TSHZ2: variants seen among roughly 807,000 people sequenced by gnomAD.
The protein encoded by TSHZ2 is teashirt homolog 2.
In TSHZ2, 21 loss-of-function variants were observed where a neutral mutation model predicts 74.4. The ratio of observed to expected loss-of-function variants is 0.28; its 90% confidence interval spans 0.20 to 0.41. The LOEUF (loss-of-function observed/expected upper bound fraction) is 0.41. Among genes scored for constraint, TSHZ2 ranks in the 10% least tolerant of loss-of-function variants. The probability of loss-of-function intolerance (pLI) is 1.00; values close to 1 mark genes in which losing one functional copy is unlikely to be tolerated. For synonymous variants in TSHZ2, 540 were observed against 515.3 expected (o/e 1.05, Z -0.65); for missense variants, 1,244 against 1,293.5 (o/e 0.96, Z 0.59).
rs1387411461 is a variant in TSHZ2, at chr20:53,308,557, G to C, written c.*8+51986G>C. On this transcript the variant is annotated intron_variant, in intron 2 of 2. Transcript: ENST00000371497. ...GAATGATCCATGTCGAATGCACGTT[G>C]AGCTGCCCTGGGTCACCGGGGGAGG... 3.9e-5 allele frequency among the ~76,000 whole-genome samples: 6 copies of C among 152,112 alleles called. No homozygotes were observed. In the East Asian group the frequency reaches 1.2e-3, roughly 29 times the overall value.
intron 2 of TSHZ2, among the ~76,000 whole-genome samples, chr20:53,299,761 G>C (rs541393853): frequency 3.9e-5 from 6 of 151,940 alleles, no homozygotes; most frequent in Non-Finnish European, 8.8e-5. Context: ...AATGTAATTA[G>C]ATGACTACAG....
At chr20:53,343,069 C>T (rs1446386493) in intron 2 of TSHZ2, among the ~76,000 whole-genome samples, 2 of 146,040 alleles carry the variant, frequency 1.4e-5, no homozygotes, top group Non-Finnish European at 3.0e-5. Flanking sequence ...CGGGTTCAAG[C>T]GATTCTCCTG....
At chr20:53,082,962 G>A (rs1985582686) in intron 1 of TSHZ2, among the ~76,000 whole-genome samples, 1 of 152,252 alleles carries the variant, frequency 6.6e-6, no homozygotes, top group African/African-American at 2.4e-5. Flanking sequence ...CAAGGCCAGA[G>A]CCTTGACACT....
intron 1 of TSHZ2, among the ~76,000 whole-genome samples, chr20:53,147,100 A>G (rs987801262): frequency 6.6e-6 from 1 of 151,634 alleles, no homozygotes; most frequent in South Asian, 2.1e-4. Flanking sequence ...TGTATTAATT[A>G]CATGCTTTTT....
chr20:53,175,159 T>TTTTTTTC (rs1221311949), intron 1 of TSHZ2, among the ~76,000 whole-genome samples: 1 of 134,102 alleles, frequency 7.5e-6, no homozygotes, highest in African/African-American at 3.0e-5. Flanking sequence ...TTTTTTTTTT[T>TTTTTTTC]CAACGGAGTT....
intron 2 of TSHZ2, among the ~76,000 whole-genome samples, chr20:53,446,341 A>C (rs915230016): frequency 4.0e-5 from 6 of 151,364 alleles, no homozygotes; most frequent in African/African-American, 1.5e-4. Flanking sequence ...AGGCGGGCAG[A>C]TCAAGAGGTC....
At chr20:53,395,928 GTGTTTGTT>G (rs145359092) in intron 2 of TSHZ2, among the ~76,000 whole-genome samples, 7 of 151,964 alleles carry the variant, frequency 4.6e-5, no homozygotes, top group South Asian at 4.1e-4. Context: ...AGTTTTAAGC[GTGTTTGTT>G]TGTTTGTTTG....
At chr20:53,371,418 T>C (rs1331639746) in intron 2 of TSHZ2, among the ~76,000 whole-genome samples, 1 of 152,258 alleles carries the variant, frequency 6.6e-6, no homozygotes, top group African/African-American at 2.4e-5. Flanking sequence ...TTGTCCTGGC[T>C]GCAAGACCCA....
At chr20:53,372,915 C>T (rs1981529157) in intron 2 of TSHZ2, among the ~76,000 whole-genome samples, 1 of 152,094 alleles carries the variant, frequency 6.6e-6, no homozygotes, top group African/African-American at 2.4e-5. Context: ...TTTTCACTTT[C>T]TATGTCCCAG....
intron 2 of TSHZ2, among the ~76,000 whole-genome samples, chr20:53,425,947 C>T (rs1298278323): frequency 6.6e-6 from 1 of 152,088 alleles, no homozygotes; most frequent in African/African-American, 2.4e-5. Context: ...CCAAAAAAAC[C>T]CATAAATTCC....
chr20:53,076,039 C>T (rs559693937), intron 1 of TSHZ2, among the ~76,000 whole-genome samples: 9 of 152,298 alleles, frequency 5.9e-5, no homozygotes, highest in Admixed American at 2.0e-4. Context: ...AGGTTCCTTT[C>T]GACTCTGAGA....
At chr20:53,448,851 C>T (rs991855196) in intron 2 of TSHZ2, among the ~76,000 whole-genome samples, 2 of 152,126 alleles carry the variant, frequency 1.3e-5, no homozygotes, top group African/African-American at 4.8e-5. Flanking sequence ...AAAATAACCA[C>T]CTTTCAAGAT....
At chr20:53,423,588 C>T (rs1162371927) in intron 2 of TSHZ2, among the ~76,000 whole-genome samples, 1 of 152,176 alleles carries the variant, frequency 6.6e-6, no homozygotes, top group African/African-American at 2.4e-5. Context: ...ATTCCCTTTC[C>T]TTCACCCAGA....
At chr20:53,261,372 G>A (rs1684549955) in intron 2 of TSHZ2, among the ~76,000 whole-genome samples, 1 of 152,078 alleles carries the variant, frequency 6.6e-6, no homozygotes, top group Admixed American at 6.6e-5. Flanking sequence ...TTATACATTT[G>A]CCATATGGTG....
intron 1 of TSHZ2, among the ~76,000 whole-genome samples, chr20:52,998,465 G>A (rs948174301): frequency 1.3e-5 from 2 of 152,168 alleles, no homozygotes; most frequent in African/African-American, 2.4e-5. Context: ...ACTGCACCTG[G>A]CCAAAGCTCT....
chr20:53,396,624 A>G (rs918278547), intron 2 of TSHZ2, among the ~76,000 whole-genome samples: 3 of 152,126 alleles, frequency 2.0e-5, no homozygotes, highest in African/African-American at 7.2e-5. Context: ...AGGCAGGTGG[A>G]TCACTTGAGC....
intron 1 of TSHZ2, among the ~76,000 whole-genome samples, chr20:52,986,726 CT>C (rs1981779035): frequency 6.6e-6 from 1 of 151,736 alleles, no homozygotes; most frequent in Non-Finnish European, 1.5e-5. Context: ...GAAACTCCGT[CT>C]CAAAAAAAAA....
chr20:53,437,060 G>C (rs1286876810), intron 2 of TSHZ2, among the ~76,000 whole-genome samples: 1 of 152,170 alleles, frequency 6.6e-6, no homozygotes, highest in East Asian at 1.9e-4. Flanking sequence ...ACCTAGAAAA[G>C]AGTATGCCCT....
At chr20:53,159,119 T>C (rs1987866452) in intron 1 of TSHZ2, among the ~76,000 whole-genome samples, 1 of 152,232 alleles carries the variant, frequency 6.6e-6, no homozygotes, top group Admixed American at 6.5e-5. Context: ...CATGCTTTGT[T>C]ATGACCATTA....
Sources: gnomAD v4.1 joint callset for allele counts (sites outside exome capture counted in the v4.1 genomes callset) on GRCh38, gnomAD v4.1.1 for gene constraint, MANE v1.5 for transcripts, NCBI Gene and HGNC (gene_info 2026-07-23, HGNC 2026-07-21) for gene names.